Variants in BTBD8 observed in about 807,000 individuals in gnomAD.
The protein encoded by BTBD8 is BTB/POZ domain-containing protein 8.
In BTBD8, 110 loss-of-function variants were observed where a neutral mutation model predicts 162.9. The ratio of observed to expected loss-of-function variants is 0.68; its 90% CI spans 0.58 to 0.79. The LOEUF (loss-of-function observed/expected upper bound fraction) is 0.79. Ranked by LOEUF, BTBD8 falls within the 30% of genes least tolerant of loss-of-function variation. The pLI is 0.00. For synonymous variants in BTBD8, 667 were observed against 716.1 expected, an observed-to-expected ratio of 0.93 and a Z score of 1.10; for missense variants, 1,905 against 2,085.4, an observed-to-expected ratio of 0.91 and a Z score of 1.68.
chr1:92,111,840 G>T (rs1316780472), intron 4 of BTBD8, among the ~76,000 whole-genome samples: 2 of 152,102 alleles, frequency 1.3e-5, no homozygotes, highest in African/African-American at 2.4e-5. Context: ...ATATCAGGGG[G>T]CAAACTATGG....
intron 4 of BTBD8, 25 bp downstream of exon 4, chr1:92,108,026 G>A: frequency 6.3e-7 from 1 of 1,587,210 alleles, no homozygotes; most frequent in Non-Finnish European, 8.6e-7. Context: ...CTGATTTGCT[G>A]TCTTGGTTGT....
intron 13 of BTBD8, among the ~76,000 whole-genome samples, chr1:92,172,239 T>C (rs1175364835): frequency 2.0e-5 from 3 of 152,188 alleles, no homozygotes; most frequent in Non-Finnish European, 2.9e-5. Context: ...TCTTAGAAGG[T>C]AGTATTGTGG....
intron 9 of BTBD8, 122 bp downstream of exon 9, chr1:92,147,908 A>T: frequency 1.3e-6 from 1 of 781,350 alleles, no homozygotes; most frequent in Non-Finnish European, 2.0e-6. Flanking sequence ...GGCGTGAACC[A>T]ATTCAGATAA....
At chr1:92,137,360 G>A (rs1029094620) in intron 5 of BTBD8, among the ~76,000 whole-genome samples, 1 of 152,112 alleles carries the variant, frequency 6.6e-6, no homozygotes, top group Non-Finnish European at 1.5e-5. Context: ...CTGTATGAGA[G>A]GATACGGTCA....
chr1:92,080,808 C>T (rs2101886550), intron 1 of BTBD8, 88 bp downstream of exon 1: 1 of 1,522,882 alleles, frequency 6.6e-7, no homozygotes. Flanking sequence ...CTCTGCCTCC[C>T]CCTCCCTCAG....
rs369831750 is a variant in BTBD8 at position 92,147,040 on chromosome 1, A to G, written c.931-140A>G. The stretch of plus-strand genomic sequence containing the variant: ...CCAGATAAAGAGTTAAATATAGAAA[A>G]TAAATTTTGAATTTATCAAATTTTG... On this transcript the variant is annotated intron_variant, in intron 7 of 17. Coordinates refer to ENST00000636805, the MANE Select transcript of BTBD8 (RefSeq NM_001376131.1). 352 of 504,806 alleles carry G rather than the reference A, an allele frequency of 7.0e-4. 5 individuals carry two copies. The South Asian group carries it at 0.015, about 21-fold the overall frequency. The allele number at this position is 504,806 out of a possible 1,614,324, so 31.3% of individuals were successfully genotyped here. A position where few individuals can be genotyped will look rare whatever the true frequency, so the allele number is the denominator to read the frequency against.
At chr1:92,156,254 A>G (rs1650156760) in intron 9 of BTBD8, among the ~76,000 whole-genome samples, 1 of 152,200 alleles carries the variant, frequency 6.6e-6, no homozygotes, top group Admixed American at 6.5e-5. Context: ...TCATCCTTGT[A>G]TCCTAGGAAT....
chr1:92,170,001 C>T (rs952919976), intron 12 of BTBD8, among the ~76,000 whole-genome samples: 1 of 151,994 alleles, frequency 6.6e-6, no homozygotes, highest in Non-Finnish European at 1.5e-5. Flanking sequence ...TTTATTTTTA[C>T]AAAATTTATG....
At chr1:92,171,042 T>C (rs1650525736) in intron 12 of BTBD8, among the ~76,000 whole-genome samples, 3 of 152,016 alleles carry the variant, frequency 2.0e-5, no homozygotes, top group Non-Finnish European at 4.4e-5. Flanking sequence ...TGCTATAATC[T>C]GTAATTTTTT....
intron 9 of BTBD8, among the ~76,000 whole-genome samples, chr1:92,163,599 G>A (rs866194924): frequency 6.6e-6 from 1 of 151,148 alleles, no homozygotes; most frequent in Non-Finnish European, 1.5e-5. Context: ...TTTAGCAATA[G>A]CAAGGTTTAT....
chr1:92,102,365 A>G (rs1235907444), intron 2 of BTBD8, 108 bp from the exon 3 acceptor site: 2 of 956,910 alleles, frequency 2.1e-6, no homozygotes, highest in Non-Finnish European at 2.8e-6. Flanking sequence ...GTCCAAATTA[A>G]GAAGGTTTAA....
chr1:92,170,300 A>G (rs1650504881), intron 12 of BTBD8, among the ~76,000 whole-genome samples: 1 of 152,132 alleles, frequency 6.6e-6, no homozygotes, highest in Non-Finnish European at 1.5e-5. Flanking sequence ...ATAATGTTTT[A>G]ATCTTAAATA....
chr1:92,182,286 A>G lies in BTBD8; in HGVS notation c.4603A>G (p.Lys1535Glu). Residue 1535 changes from lysine (K) to glutamate (E), a missense_variant, in exon 17 of 18, where the codon AAA becomes GAA. Lys to Glu is a moderately conservative substitution (Grantham distance 56). Around this residue, in one of 3 missense-constraint regions of BTBD8, gnomAD observed 517 missense variants for 606.6 expected, o/e 0.85. Transcript: ENST00000636805. ...KNKQSVSATE[K>E]KNTIDVLSSR... ...TAAACAGAGTGTTTCAGCCACAGAA[A>G]AAAAGAACACAATAGACGTCCTATC... 1.3e-6 allele frequency: 2 copies of G among 1,551,480 alleles called. No individual in the cohort carries two copies. The highest frequency in any genetic ancestry group is 2.4e-5 in the East Asian group (1 of 40,908).
At chr1:92,126,646 T>C (rs1649368538) in intron 4 of BTBD8, among the ~76,000 whole-genome samples, 1 of 152,238 alleles carries the variant, frequency 6.6e-6, no homozygotes, top group African/African-American at 2.4e-5. Flanking sequence ...TAAATGCTTG[T>C]ACACAATTAA....
intron 9 of BTBD8, 133 bp from the exon 10 acceptor site, chr1:92,166,825 C>A: frequency 1.2e-6 from 1 of 839,536 alleles, no homozygotes. Flanking sequence ...AAACTAATAA[C>A]AAAGACATTA....
chr1:92,174,476 C>G (rs1570758044), intron 13 of BTBD8, among the ~76,000 whole-genome samples: 1 of 152,044 alleles, frequency 6.6e-6, no homozygotes. Flanking sequence ...TACAGCTATA[C>G]CATATACTAT....
rs1306225997 is a variant in BTBD8 at position 92,080,662 on chromosome 1, T to G, written c.91T>G (p.Cys31Gly). The G allele has an allele frequency of 6.2e-7, 1 of 1,613,418 alleles. No homozygotes were observed. Among genetic ancestry groups the G allele is most frequent in the Non-Finnish European group, 8.5e-7 (1 of 1,179,742 alleles). Residue 31 changes from cysteine to glycine, a missense_variant, in exon 1 of 18, where the codon TGT becomes GGT. This residue lies in a region of BTBD8 where 1,374 missense variants were observed against 1,442.7 expected (regional missense o/e 0.95). Transcript: ENST00000636805. Reference sequence around the variant, plus strand: ...TAAGGGGTTGCAAAGGAAGGGGCCGTGTGAGCGGCGCCGGCTGAAGGCGAC... The same window carrying G: ...TAAGGGGTTGCAAAGGAAGGGGCCGGGTGAGCGGCGCCGGCTGAAGGCGAC... ...CSKGLQRKGP[C>G]ERRRLKATVS...
intron 4 of BTBD8, among the ~76,000 whole-genome samples, chr1:92,119,390 A>T (rs556237888): frequency 6.8e-6 from 1 of 147,102 alleles, no homozygotes; most frequent in African/African-American, 2.6e-5. Context: ...AGCTCCAGTG[A>T]TCCTCCCACC....
At chr1:92,130,163 G>A (rs1410827804) in intron 5 of BTBD8, among the ~76,000 whole-genome samples, 1 of 152,088 alleles carries the variant, frequency 6.6e-6, no homozygotes, top group East Asian at 1.9e-4. Flanking sequence ...CGTGCACTTG[G>A]AGAGAGAGTT....
Sources: gnomAD v4.1 joint callset for allele counts (sites outside exome capture counted in the v4.1 genomes callset) on GRCh38, gnomAD v4.1.1 for gene constraint, gnomAD v4.1.1 regional missense constraint, MANE v1.5 for transcripts, NCBI Gene and HGNC (gene_info 2026-07-23, HGNC 2026-07-21) for gene names.